The following NR4A1 variants were observed in gnomAD, a reference collection of about 807,000 sequenced individuals.
The protein encoded by NR4A1 is nuclear receptor subfamily 4immunitygroup A member 1.
A neutral mutation model predicts 47.5 loss-of-function variants in NR4A1; 24 were observed. That is an observed-to-expected ratio of 0.50 (90% CI 0.37 to 0.71). NR4A1 has a LOEUF of 0.71. Among genes scored for constraint, NR4A1 ranks in the 30% least tolerant of loss-of-function variants. NR4A1 has a pLI of 0.00. For missense variants in NR4A1, 669 were observed against 788.6 expected (o/e 0.85, Z 1.82); for synonymous variants, 353 against 345.7 (o/e 1.02, Z -0.24).
upstream of NR4A1, among the ~76,000 whole-genome samples, chr12:52,048,322 C>T (rs960594022): frequency 1.3e-5 from 2 of 151,784 alleles, no homozygotes; most frequent in African/African-American, 4.8e-5. Context: ...TGGCCGGGTA[C>T]AGTGGCTCAT....
At chr12:52,033,209 TG>T (rs1938167286) in intron 1 of NR4A1, among the ~76,000 whole-genome samples, 1 of 151,786 alleles carries the variant, frequency 6.6e-6, no homozygotes, top group South Asian at 2.1e-4. Context: ...GGAGCGCAGC[TG>T]GGGCTCGGCC....
chr12:52,048,370 A>G (rs539631322), upstream of NR4A1, among the ~76,000 whole-genome samples: 210 of 150,806 alleles, frequency 1.4e-3, no homozygotes, highest in Middle Eastern at 3.4e-3. Flanking sequence ...CAAGGCGGGC[A>G]GATCACAAGG....
intron 1 of NR4A1, among the ~76,000 whole-genome samples, chr12:52,027,872 C>T (rs1398803088): frequency 6.6e-6 from 1 of 152,076 alleles, no homozygotes; most frequent in African/African-American, 2.4e-5. Context: ...TGTAGGAGGG[C>T]GTTCTCCCAG....
At chr12:52,051,003 T>G (rs950011018), upstream of NR4A1, among the ~76,000 whole-genome samples, 1 of 151,842 alleles carries the variant, frequency 6.6e-6, no homozygotes. Flanking sequence ...AGTGAGGAGA[T>G]CCTCATCCGG....
At chr12:52,037,401 CGGAAAGCGGGGGT>C in intron 1 of NR4A1, 1 of 984,998 alleles carries the variant, frequency 1.0e-6, no homozygotes, top group Non-Finnish European at 1.2e-6. Flanking sequence ...TGCGCGACCC[CGGAAAGCGGGGGT>C]GGAGAGGCGA....
chr12:52,056,926 G>C (rs1350478191), intron 4 of NR4A1, 131 bp from the exon 5 acceptor site: 1 of 940,432 alleles, frequency 1.1e-6, no homozygotes, highest in Non-Finnish European at 1.6e-6. Context: ...CTTGGCAAGT[G>C]AGAGCCTGGG....
In NR4A1 at chr12:52,054,470, A is replaced by G. The variant is rs1285988142; in HGVS notation, c.142A>G (p.Thr48Ala). 1 of 1,613,324 alleles carries G rather than the reference A, an allele frequency of 6.2e-7. No individual in the cohort carries two copies. Among genetic ancestry groups the G allele is most frequent in the Non-Finnish European group, 8.5e-7 (1 of 1,179,888 alleles). ...CCCCGAGGCAGCCCCCGCTGCCCCC[A>G]CTGCCCTGCCCAGCTTCAGCACCTT... ...ASPEAAPAAP[T>A]ALPSFSTFMD... Residue 48 changes from threonine to alanine, a missense_variant, in exon 2 of 7, where the codon ACT becomes GCT. By Grantham distance (58) the Thr-to-Ala change is moderately conservative. Transcript: ENST00000394825.
Position 52,054,637 on chromosome 12 carries a change from C to T in NR4A1, c.309C>T (p.Phe103=), listed in dbSNP as rs143072172. The change falls in exon 2 of 7, where the codon TTC becomes TTT. Residue 103 remains phenylalanine (F), a synonymous_variant. Coordinates refer to ENST00000394825, the MANE Select transcript of NR4A1 (RefSeq NM_173157.3). ...ATSPASASFK[F]EDFQVYGCYP... ...CCCCTGCCTCTGCCTCCTTCAAGTT[C>T]GAGGACTTCCAGGTGTACGGCTGCT... The T allele has an allele frequency of 5.6e-6, 9 of 1,614,150 alleles. No individual in the cohort carries two copies. Among genetic ancestry groups the T allele is most frequent in the Non-Finnish European group, 6.8e-6 (8 of 1,180,034 alleles).
Position 52,056,172 on chromosome 12 carries a change from G to A in NR4A1, c.1006+13G>A. The A allele has an allele frequency of 6.3e-7, 1 of 1,591,552 alleles. No homozygotes were observed. The highest frequency in any genetic ancestry group is 2.2e-5 in the East Asian group (1 of 44,566). Reference sequence around the variant, plus strand: ...ATGGTGAAGGAAGGTGTGTGGCTGGGGTGCGGCCCAGCGGGGCAAGGGTAG... The same window carrying A: ...ATGGTGAAGGAAGGTGTGTGGCTGGAGTGCGGCCCAGCGGGGCAAGGGTAG... On this transcript the variant is annotated intron_variant, in intron 3 of 6. Coordinates refer to ENST00000394825, the MANE Select transcript of NR4A1 (RefSeq NM_173157.3).
At chr12:52,041,993 G>C in intron 2 of NR4A1, 4 of 1,264,458 alleles carry the variant, frequency 3.2e-6, no homozygotes, top group Non-Finnish European at 4.0e-6. Flanking sequence ...GGCAGAGGTG[G>C]GGGTGGAGCT....
At chr12:52,057,585 G>A in intron 6 of NR4A1, 55 bp downstream of exon 6, 1 of 1,596,262 alleles carries the variant, frequency 6.3e-7, no homozygotes, top group Non-Finnish European at 8.5e-7. Context: ...GGGGTTGACT[G>A]GTTCTCAGGA....
At chr12:52,049,635 A>G (rs1027041294), upstream of NR4A1, among the ~76,000 whole-genome samples, 9 of 152,394 alleles carry the variant, frequency 5.9e-5, no homozygotes, top group African/African-American at 1.9e-4. Flanking sequence ...AGGCTGGGCA[A>G]CAGAACAAGA....
intron 2 of NR4A1, chr12:52,043,277 G>A (rs1938504944): frequency 6.3e-6 from 1 of 159,024 alleles, no homozygotes; most frequent in African/African-American, 2.4e-5. Context: ...GCAGTGGCCA[G>A]GTGTCCCTCC....
intron 2 of NR4A1, 123 bp from the exon 3 acceptor site, chr12:52,055,907 T>C (rs1453844772): frequency 9.9e-6 from 4 of 405,376 alleles, no homozygotes; most frequent in African/African-American, 4.7e-5. Flanking sequence ...GTTAGAAAAA[T>C]AGCTGTGAAC....
intron 1 of NR4A1, chr12:52,037,203 C>T (rs1378362924): frequency 4.8e-6 from 1 of 206,648 alleles, no homozygotes; most frequent in Non-Finnish European, 8.2e-6. Context: ...GGGCGCCGCG[C>T]GGCCGGAACT....
intron 1 of NR4A1, among the ~76,000 whole-genome samples, chr12:52,032,355 C>T (rs553649913): frequency 6.6e-6 from 1 of 152,220 alleles, no homozygotes; most frequent in Admixed American, 6.5e-5. Flanking sequence ...GACATCCATG[C>T]TCTGATTCTT....
At chr12:52,037,843 G>T (rs1949342602) in intron 1 of NR4A1, 2 of 985,426 alleles carry the variant, frequency 2.0e-6, no homozygotes, top group African/African-American at 3.5e-5. Context: ...CCAAGGCTGG[G>T]GGTCTCGTGG....
intron 1 of NR4A1, among the ~76,000 whole-genome samples, chr12:52,036,275 G>A (rs1478279477): frequency 6.6e-6 from 1 of 151,834 alleles, no homozygotes; most frequent in African/African-American, 2.4e-5. Flanking sequence ...GCACCCCCAG[G>A]AAAATTCTTA....
Position 52,054,920 on chromosome 12 carries a change from C to G in NR4A1, c.592C>G (p.Pro198Ala). 3 of 1,614,192 alleles carry G rather than the reference C, an allele frequency of 1.9e-6. No individual in the cohort carries two copies. The highest frequency in any genetic ancestry group is 2.5e-6 in the Non-Finnish European group (3 of 1,180,044). ...AFFSFSPPTG[P>A]SPSLAQSPLK... ...CTTTTCCTTCAGTCCTCCCACCGGC[C>G]CCAGCCCCAGCCTGGCCCAGAGCCC... is the stretch of plus-strand genomic sequence containing the variant. Residue 198 changes from proline to alanine, a missense_variant, in exon 2 of 7, where the codon CCC (proline) becomes GCC (alanine). Pro to Ala is a conservative substitution (Grantham distance 27). Transcript: ENST00000394825.
Sources: gnomAD v4.1 joint callset for allele counts (sites outside exome capture counted in the v4.1 genomes callset) on GRCh38, gnomAD v4.1.1 for gene constraint, MANE v1.5 for transcripts, NCBI Gene and HGNC (gene_info 2026-07-23, HGNC 2026-07-21) for gene names.